DGKB: variants seen among roughly 807,000 people sequenced by gnomAD.
DGKB encodes the protein diacylglycerol kinase beta.
DGKB carries 67 observed loss-of-function variants against 114.3 expected under a neutral mutation model. The ratio of observed to expected loss-of-function variants is 0.59; its 90% CI spans 0.48 to 0.72. The LOEUF is 0.72. DGKB is among the 30% of genes least tolerant of loss of function. The pLI, the probability that DGKB is intolerant of heterozygous loss-of-function variation, is 0.00. For synonymous variants in DGKB, 398 were observed against 323.1 expected (o/e 1.23, Z -2.49); for missense variants, 907 against 975.2 (o/e 0.93, Z 0.93).
intron 9 of DGKB, among the ~76,000 whole-genome samples, chr7:14,686,429 A>G (rs4461795): frequency 0.03 from 4,578 of 152,238 alleles, 160 homozygotes; most frequent in Admixed American, 0.072. Context: ...ACAGATTAAC[A>G]TTTATTGGTA....
chr7:14,209,203 C>A, intron 23 of DGKB: 4 of 268,002 alleles, frequency 1.5e-5, no homozygotes, highest in East Asian at 1.2e-4. Context: ...TTTAAAAAAC[C>A]ATCACCATTC....
intron 23 of DGKB, among the ~76,000 whole-genome samples, chr7:14,326,927 ACT>A (rs1211465540): frequency 6.6e-6 from 1 of 151,840 alleles, no homozygotes; most frequent in Non-Finnish European, 1.5e-5. Flanking sequence ...ACACACATAC[ACT>A]CTCTATTACA....
At chr7:14,466,367 G>A (rs920094517) in intron 21 of DGKB, among the ~76,000 whole-genome samples, 1 of 152,102 alleles carries the variant, frequency 6.6e-6, no homozygotes, top group African/African-American at 2.4e-5. Flanking sequence ...GACAATCCTG[G>A]CTAACATGGT....
intron 12 of DGKB, 126 bp from the exon 13 acceptor site, chr7:14,673,153 T>C (rs911815203): frequency 2.0e-5 from 12 of 588,182 alleles, no homozygotes; most frequent in South Asian, 9.0e-5. Flanking sequence ...TAAGAACAAA[T>C]AAACAGAGTC....
intron 1 of DGKB, among the ~76,000 whole-genome samples, chr7:14,925,245 GTT>G (rs1456445293): frequency 6.6e-6 from 1 of 152,146 alleles, no homozygotes; most frequent in Non-Finnish European, 1.5e-5. Flanking sequence ...CAGTGAAAAA[GTT>G]TTTGTGTGAA....
intron 15 of DGKB, among the ~76,000 whole-genome samples, chr7:14,620,346 A>C (rs1282092567): frequency 6.6e-6 from 1 of 151,384 alleles, no homozygotes; most frequent in Non-Finnish European, 1.5e-5. Flanking sequence ...ATATTTAATA[A>C]ATTATTATTA....
intron 23 of DGKB, among the ~76,000 whole-genome samples, chr7:14,239,999 C>A (rs1331616696): frequency 1.3e-5 from 2 of 151,900 alleles, no homozygotes; most frequent in Non-Finnish European, 2.9e-5. Context: ...ATAATTTGAT[C>A]CTGCTACCTT....
chr7:14,360,448 G>GTATATATATATATATATATA (rs112459240), intron 21 of DGKB, among the ~76,000 whole-genome samples: 1 of 146,968 alleles, frequency 6.8e-6, no homozygotes, highest in Non-Finnish European at 1.5e-5. Context: ...AGAACTTAAA[G>GTATATATATATATATATATA]TATATATATA....
chr7:14,191,196 A>T (rs1784266593), intron 23 of DGKB: 1 of 161,842 alleles, frequency 6.2e-6, no homozygotes, highest in Admixed American at 6.2e-5. Flanking sequence ...GAACAGACGT[A>T]TGAGCATGCA....
At chr7:14,733,849 AGAAG>A (rs999413006) in intron 5 of DGKB, among the ~76,000 whole-genome samples, 15 of 151,862 alleles carry the variant, frequency 9.9e-5, no homozygotes, top group African/African-American at 3.6e-4. Context: ...AAGGAAGGAA[AGAAG>A]GAAGGAAGAA....
intron 1 of DGKB, among the ~76,000 whole-genome samples, chr7:14,862,668 A>G (rs1433988812): frequency 2.0e-5 from 3 of 152,120 alleles, no homozygotes; most frequent in African/African-American, 7.2e-5. Context: ...TGCCTCCCTT[A>G]TATACGGACT....
chr7:14,279,390 G>A (rs1370104731), intron 23 of DGKB, among the ~76,000 whole-genome samples: 12 of 152,112 alleles, frequency 7.9e-5, no homozygotes, highest in Non-Finnish European at 1.5e-4. Context: ...ACAGCTCAAG[G>A]AGGCCTGCCT....
At chr7:14,753,062 G>A (rs1371809007) in intron 4 of DGKB, among the ~76,000 whole-genome samples, 22 of 152,186 alleles carry the variant, frequency 1.4e-4, no homozygotes, top group Admixed American at 1.4e-3. Flanking sequence ...ATTGTAAGAT[G>A]TAGGATCTGT....
At chr7:14,949,073 G>C (rs1318235580) in intron 1 of DGKB, among the ~76,000 whole-genome samples, 1 of 151,664 alleles carries the variant, frequency 6.6e-6, no homozygotes, top group Non-Finnish European at 1.5e-5. Context: ...GAGCAACACA[G>C]AATTTATATT....
chr7:14,702,013 T>A (rs1563957259), intron 6 of DGKB, among the ~76,000 whole-genome samples: 1 of 152,172 alleles, frequency 6.6e-6, no homozygotes, highest in Non-Finnish European at 1.5e-5. Context: ...GATCATTAAA[T>A]GTCAACTCAA....
At chr7:14,965,429 G>A (rs1787093804) in intron 1 of DGKB, among the ~76,000 whole-genome samples, 1 of 152,120 alleles carries the variant, frequency 6.6e-6, no homozygotes. Context: ...ATCTCAAGTA[G>A]ATGGAATTTA....
chr7:14,554,329 A>T (rs1584775182), intron 20 of DGKB, among the ~76,000 whole-genome samples: 2 of 152,328 alleles, frequency 1.3e-5, no homozygotes, highest in Admixed American at 1.3e-4. Context: ...CTTCCTTCAC[A>T]AAAGTAGGAT....
At chr7:14,472,098 T>C (rs1781503609) in intron 21 of DGKB, among the ~76,000 whole-genome samples, 1 of 152,194 alleles carries the variant, frequency 6.6e-6, no homozygotes, top group Non-Finnish European at 1.5e-5. Flanking sequence ...TTTTAGGTGT[T>C]ACACATTAAG....
chr7:14,461,348 A>G (rs1390074725), intron 21 of DGKB, among the ~76,000 whole-genome samples: 1 of 149,880 alleles, frequency 6.7e-6, no homozygotes, highest in Non-Finnish European at 1.5e-5. Flanking sequence ...GATAAACAAA[A>G]TAGACCACTA....
Sources: gnomAD v4.1 joint callset for allele counts (sites outside exome capture counted in the v4.1 genomes callset) on GRCh38, gnomAD v4.1.1 for gene constraint, MANE v1.5 for transcripts, NCBI Gene and HGNC (gene_info 2026-07-23, HGNC 2026-07-21) for gene names.